Variants in MNAT1 observed in about 807,000 individuals in gnomAD.
MNAT1 encodes CDK-activating kinase assembly factor MAT1.
A neutral mutation model predicts 42.0 loss-of-function variants in MNAT1; 43 were observed. The ratio of observed to expected loss-of-function variants is 1.02; its 90% CI spans 0.80 to 1.32. MNAT1 has a LOEUF of 1.32. Ranked by LOEUF, MNAT1 falls within the 40% of genes most tolerant of loss-of-function variation. The pLI is 0.00. For missense variants in MNAT1, 306 were observed against 350.4 expected (o/e 0.87, Z 1.01); for synonymous variants, 118 against 120.0 (o/e 0.98, Z 0.11).
rs1896434487 is a variant in MNAT1 at position 60,740,573 on chromosome 14, C to T, written c.89+5622C>T. Among the ~76,000 whole-genome samples, 1 of 152,118 alleles carries T rather than the reference C, an allele frequency of 6.6e-6. No individual in the cohort carries two copies. Among genetic ancestry groups the T allele is most frequent in the African/African-American group, 2.4e-5 (1 of 41,424 alleles). On this transcript the variant is annotated intron_variant, in intron 1 of 7. Coordinates refer to ENST00000261245, the MANE Select transcript of MNAT1 (RefSeq NM_002431.4). This position sits in a 1 kb window ranked among gnomAD's most constrained non-coding sequence, Gnocchi z 4.1. Reference sequence around the variant, plus strand: ...AAGTGGTGTTAACTCATTTAATATACTGATCTTATTCAGTACCTTTGTGCA... The same window carrying T: ...AAGTGGTGTTAACTCATTTAATATATTGATCTTATTCAGTACCTTTGTGCA...
At position 60,780,505 on chromosome 14, in the gene MNAT1, C is replaced by T; in HGVS notation, c.90-15712C>T. 1.3e-5 allele frequency: 19 copies of T among 1,512,800 alleles called. 1 individual carries two copies. The South Asian group carries it at 1.9e-4, about 15-fold the overall frequency. The allele number at this position is 1,512,800 out of a possible 1,614,324, so 93.7% of individuals were successfully genotyped here. A position where few individuals can be genotyped will look rare whatever the true frequency, so the allele number is the denominator to read the frequency against. On this transcript the variant is annotated intron_variant, in intron 1 of 7. Coordinates refer to ENST00000261245, the MANE Select transcript of MNAT1 (RefSeq NM_002431.4). Reference sequence around the variant, plus strand: ...AAGAGTCGGGACCACAGTTTATTACCAATTCTGAGGAAGTCTGCCTTTGTT... The same window carrying T: ...AAGAGTCGGGACCACAGTTTATTACTAATTCTGAGGAAGTCTGCCTTTGTT...
chr14:60,769,461 T>A (rs1027425968), intron 1 of MNAT1, among the ~76,000 whole-genome samples: 29 of 151,942 alleles, frequency 1.9e-4, no homozygotes, highest in Non-Finnish European at 1.2e-4. Flanking sequence ...ATTTTATTTT[T>A]TTTCAGATAT....
chr14:60,775,253 A>G (rs2031207998), intron 1 of MNAT1, among the ~76,000 whole-genome samples: 1 of 152,162 alleles, frequency 6.6e-6, no homozygotes, highest in Admixed American at 6.5e-5. Context: ...AAGAGGTGGT[A>G]TTGGATGAGG....
At chr14:60,864,011 ATTG>A (rs1286162949) in intron 6 of MNAT1, among the ~76,000 whole-genome samples, 1 of 152,052 alleles carries the variant, frequency 6.6e-6, no homozygotes, top group Non-Finnish European at 1.5e-5. Context: ...TCAATTTTAT[ATTG>A]TTTGAAGAAA....
At chr14:60,875,024 A>C (rs2034407153) in intron 6 of MNAT1, among the ~76,000 whole-genome samples, 1 of 152,106 alleles carries the variant, frequency 6.6e-6, no homozygotes, top group Non-Finnish European at 1.5e-5. Context: ...GGAATGTTGG[A>C]AGGGCAGTTT....
intron 4 of MNAT1, among the ~76,000 whole-genome samples, chr14:60,811,142 T>A (rs1171323739): frequency 3.3e-5 from 5 of 152,134 alleles, no homozygotes; most frequent in African/African-American, 1.2e-4. Context: ...TATTATGCTC[T>A]TTGTTTCAGT....
chr14:60,834,313 T>A (rs1260740062), intron 6 of MNAT1, among the ~76,000 whole-genome samples: 3 of 152,162 alleles, frequency 2.0e-5, no homozygotes, highest in Admixed American at 2.0e-4. Context: ...TAAATTTCCC[T>A]TTTAACATTG....
rs570600205 is a variant in MNAT1, at chr14:60,858,954, T to A, written c.688-20760T>A. ...TAAAAAATGTGTGTGACTCACTTTA[T>A]GGCAAGGGTCTACAACCGAACCTGC... On this transcript the variant is annotated intron_variant, in intron 6 of 7. Coordinates refer to ENST00000261245, the MANE Select transcript of MNAT1 (RefSeq NM_002431.4). Among the ~76,000 whole-genome samples, 3 of 152,366 alleles carry A rather than the reference T, an allele frequency of 2.0e-5. No homozygotes were observed. The East Asian group carries it at 5.8e-4, about 29-fold the overall frequency.
At chr14:60,855,415 T>C (rs556849363) in intron 6 of MNAT1, among the ~76,000 whole-genome samples, 2 of 152,058 alleles carry the variant, frequency 1.3e-5, no homozygotes, top group Admixed American at 1.3e-4. Flanking sequence ...AGCTGCCCCA[T>C]TTTGTGTCTG....
At chr14:60,860,613 A>G (rs961523896) in intron 6 of MNAT1, among the ~76,000 whole-genome samples, 1 of 151,874 alleles carries the variant, frequency 6.6e-6, no homozygotes, top group Non-Finnish European at 1.5e-5. Context: ...TCAGCCTCCA[A>G]AGTGCTGGGA....
Position 60,969,697 on chromosome 14 carries a change from A to G in MNAT1, c.*1348A>G, listed in dbSNP as rs2036747329. 3 of 152,178 alleles carry G rather than the reference A, an allele frequency of 2.0e-5. No individual in the cohort carries two copies. The highest frequency in any genetic ancestry group is 2.0e-4 in the Admixed American group (3 of 15,274). The allele number at this position is 152,178 out of a possible 1,614,324, so 9.4% of individuals were successfully genotyped here. A position where few individuals can be genotyped will look rare whatever the true frequency, so the allele number is the denominator to read the frequency against. ...ACTGAGGATTAGTGTTTTTAAGTAC[A>G]GTCTATAAATCTGTTCAAAGAATAG... On this transcript the variant is annotated 3_prime_UTR_variant, in exon 8 of 8. Coordinates refer to ENST00000261245, the MANE Select transcript of MNAT1 (RefSeq NM_002431.4).
intron 7 of MNAT1, among the ~76,000 whole-genome samples, chr14:60,909,647 T>G (rs1165095888): frequency 2.6e-5 from 4 of 152,132 alleles, no homozygotes; most frequent in African/African-American, 9.7e-5. Flanking sequence ...TATGTGGCAT[T>G]ATTTCTGAGG....
chr14:60,963,498 G>A (rs2036632710), intron 7 of MNAT1, among the ~76,000 whole-genome samples: 1 of 152,146 alleles, frequency 6.6e-6, no homozygotes, highest in East Asian at 1.9e-4. Context: ...CTGTTGCTCT[G>A]GTTGTTTTTA....
At chr14:60,881,722 T>C (rs1389893615) in intron 7 of MNAT1, among the ~76,000 whole-genome samples, 2 of 152,160 alleles carry the variant, frequency 1.3e-5, no homozygotes, top group Non-Finnish European at 2.9e-5. Context: ...ATGTAATGTG[T>C]AATAATCACA....
intron 7 of MNAT1, among the ~76,000 whole-genome samples, chr14:60,960,227 A>AT (rs1204991190): frequency 6.6e-6 from 1 of 151,966 alleles, no homozygotes; most frequent in Non-Finnish European, 1.5e-5. Context: ...TTGTGTCTAC[A>AT]TTTTTTGCAA....
At chr14:60,881,207 CA>C (rs1366183059) in intron 7 of MNAT1, among the ~76,000 whole-genome samples, 1 of 152,024 alleles carries the variant, frequency 6.6e-6, no homozygotes, top group African/African-American at 2.4e-5. Context: ...TTTCTTGAGA[CA>C]GAGTCTCACT....
At chr14:60,940,266 C>A (rs1214610945) in intron 7 of MNAT1, among the ~76,000 whole-genome samples, 3 of 152,178 alleles carry the variant, frequency 2.0e-5, no homozygotes, top group Non-Finnish European at 4.4e-5. Context: ...TGAATTTGAT[C>A]CTGTCAGTAT....
chr14:60,737,121 C>T (rs1003493368), intron 1 of MNAT1, among the ~76,000 whole-genome samples: 3 of 152,098 alleles, frequency 2.0e-5, no homozygotes, highest in Admixed American at 6.5e-5. Context: ...GGCTAACACA[C>T]TGCTGTTTCT....
At chr14:60,764,464 A>G (rs2030732047) in intron 1 of MNAT1, among the ~76,000 whole-genome samples, 1 of 28,022 alleles carries the variant, frequency 3.6e-5, no homozygotes, top group South Asian at 2.1e-3. Flanking sequence ...GCCAGAAGTT[A>G]ATGGGCTATT....
Sources: allele counts gnomAD v4.1 joint callset (sites outside exome capture counted in the v4.1 genomes callset), GRCh38; gene constraint gnomAD v4.1.1; non-coding constraint Gnocchi (gnomAD v3.1); transcripts MANE v1.5; gene names NCBI Gene and HGNC (gene_info 2026-07-23, HGNC 2026-07-21).